DENND2A: variants seen among roughly 807,000 people sequenced by gnomAD.
DENND2A encodes the protein DENN domain containing 2A, also known as DENN domain-containing protein 2A.
DENND2A carries 53 observed loss-of-function variants against 105.3 expected under a neutral mutation model. That is an observed-to-expected ratio of 0.50 (90% CI 0.40 to 0.63). The LOEUF is 0.63. Ranked by LOEUF, DENND2A falls within the 30% of genes least tolerant of loss-of-function variation. The pLI is 0.00. For synonymous variants in DENND2A, 522 were observed against 508.4 expected (o/e 1.03, Z -0.36); for missense variants, 1,138 against 1,279.6 (o/e 0.89, Z 1.69).
chr7:140,560,320 C>T (rs564467437), intron 9 of DENND2A, among the ~76,000 whole-genome samples: 4 of 152,220 alleles, frequency 2.6e-5, no homozygotes, highest in South Asian at 2.1e-4. Context: ...TAGAAGGAAG[C>T]GTGACACCAT....
chr7:140,607,830 C>A (rs571992897), intron 1 of DENND2A, among the ~76,000 whole-genome samples: 1 of 152,288 alleles, frequency 6.6e-6, no homozygotes, highest in South Asian at 2.1e-4. Flanking sequence ...TCCATATGAG[C>A]CAGCAGCTCT....
At chr7:140,526,887 C>CT (rs1465098432) in intron 15 of DENND2A, among the ~76,000 whole-genome samples, 2 of 152,166 alleles carry the variant, frequency 1.3e-5, no homozygotes, top group African/African-American at 4.8e-5. Flanking sequence ...CCAAGCAGGA[C>CT]TTTCCCCGCT....
chr7:140,620,021 C>T (rs768669644), intron 1 of DENND2A, among the ~76,000 whole-genome samples: 7 of 151,034 alleles, frequency 4.6e-5, no homozygotes, highest in Non-Finnish European at 8.8e-5. Flanking sequence ...AGTGAAACCC[C>T]GTCTCTACTA....
chr7:140,519,826 G>A (rs1795788535), intron 18 of DENND2A, 108 bp from the exon 19 acceptor site: 3 of 972,074 alleles, frequency 3.1e-6, no homozygotes, highest in Non-Finnish European at 3.3e-6. Context: ...CTGAGACTAA[G>A]CTGCTCCTAT....
intron 4 of DENND2A, 129 bp from the exon 5 acceptor site, chr7:140,585,839 A>C (rs1041492596): frequency 7.6e-7 from 1 of 1,321,514 alleles, no homozygotes; most frequent in African/African-American, 1.5e-5. Flanking sequence ...TTTGCCATCC[A>C]TGCGCCCCTC....
chr7:140,583,635 A>C (rs574370829), intron 5 of DENND2A, among the ~76,000 whole-genome samples: 4 of 150,612 alleles, frequency 2.7e-5, no homozygotes, highest in African/African-American at 1.0e-4. Flanking sequence ...ACAATCATAT[A>C]AAAGTCAAAT....
Position 140,567,251 on chromosome 7 carries a change from G to T in DENND2A, c.1614C>A (p.Asn538Lys). 6.2e-7 allele frequency: 1 copy of T among 1,609,256 alleles called. No homozygotes were observed. The highest frequency in any genetic ancestry group is 1.7e-5 in the Admixed American group (1 of 59,672). Residue 538 changes from asparagine (N) to lysine (K), a missense_variant, in exon 9 of 20, where the codon AAC (asparagine) becomes AAA (lysine). Asn to Lys is a moderately conservative substitution (Grantham distance 94). Coordinates refer to ENST00000496613, the MANE Select transcript of DENND2A (RefSeq NM_015689.5). ...GCGCCTGCTTCAGCCGGGACTTCAC[G>T]TTGACCAGGCGCTGGCTGTGAGCTG... ...KLKAHSQRLV[N>K]VKSRLKQAPR...
intron 17 of DENND2A, 125 bp from the exon 18 acceptor site, chr7:140,522,225 TCCAGGAGGAGGGTTAC>T (rs1232519715): frequency 7.9e-7 from 1 of 1,269,822 alleles, no homozygotes; most frequent in African/African-American, 1.5e-5. Flanking sequence ...ACTGCGATTA[TCCAGGAGGAGGGTTAC>T]CCAGGTTATT....
intron 6 of DENND2A, among the ~76,000 whole-genome samples, chr7:140,572,156 C>T (rs1278418168): frequency 6.6e-6 from 1 of 152,076 alleles, no homozygotes; most frequent in East Asian, 1.9e-4. Context: ...CAAGTGCACA[C>T]CACCATGCCT....
chr7:140,551,299 CAAAAAAAA>C (rs529992901), intron 12 of DENND2A, among the ~76,000 whole-genome samples: 4 of 71,742 alleles, frequency 5.6e-5, no homozygotes, highest in Admixed American at 1.7e-4. Flanking sequence ...GACTCCATCT[CAAAAAAAA>C]AAAAAAAAAA....
At position 140,527,046 on chromosome 7, in the gene DENND2A, G is replaced by A. The variant is rs1356802192; in HGVS notation, c.2505+272C>T. On this transcript the variant is annotated intron_variant, in intron 15 of 19. Coordinates refer to ENST00000496613, the MANE Select transcript of DENND2A (RefSeq NM_015689.5). The surrounding 1 kb of genome is among the most constrained non-coding windows in gnomAD (Gnocchi z 4.9). Reference sequence around the variant, plus strand: ...GGGCTATTAATGACTTAAGAGTTTTGACATCTGGCTAAATTGTTCATTGCT... The same window carrying A: ...GGGCTATTAATGACTTAAGAGTTTTAACATCTGGCTAAATTGTTCATTGCT... Among the ~76,000 whole-genome samples, 1 of 152,166 alleles carries A rather than the reference G, an allele frequency of 6.6e-6. No individual in the cohort carries two copies. Among genetic ancestry groups the A allele is most frequent in the Non-Finnish European group, 1.5e-5 (1 of 68,026 alleles).
At chr7:140,568,235 C>T (rs1474449165) in intron 8 of DENND2A, among the ~76,000 whole-genome samples, 2 of 152,116 alleles carry the variant, frequency 1.3e-5, no homozygotes, top group Non-Finnish European at 2.9e-5. Flanking sequence ...CCACCAAGCC[C>T]GGCCCCTGGA....
intron 9 of DENND2A, among the ~76,000 whole-genome samples, chr7:140,561,959 G>A (rs929051982): frequency 6.6e-6 from 1 of 151,080 alleles, no homozygotes; most frequent in Non-Finnish European, 1.5e-5. Flanking sequence ...CTGCAATCTC[G>A]GCTCACTGCA....
intron 1 of DENND2A, among the ~76,000 whole-genome samples, chr7:140,617,673 C>G (rs1197857661): frequency 3.3e-5 from 5 of 152,238 alleles, no homozygotes; most frequent in Middle Eastern, 3.4e-3. Context: ...AAGATCGCAC[C>G]ACTGCACTCC....
chr7:140,527,908 T>A lies in DENND2A; in HGVS notation c.2328-413A>T, dbSNP rs1796123890. On this transcript the variant is annotated intron_variant, in intron 14 of 19. Coordinates refer to ENST00000496613, the MANE Select transcript of DENND2A (RefSeq NM_015689.5). This position sits in a 1 kb window ranked among gnomAD's most constrained non-coding sequence, Gnocchi z 4.9. ...GGGGTGCAGTGGCGTGATTTGGGCT[T>A]ACTGCAACCTCTGCCTCCCAGGTTC... Among the ~76,000 whole-genome samples the A allele has an allele frequency of 6.6e-6, 1 of 152,076 alleles. No individual in the cohort carries two copies. The highest frequency in any genetic ancestry group is 2.4e-5 in the African/African-American group (1 of 41,414).
chr7:140,559,259 T>G lies in DENND2A; in HGVS notation c.1889+449A>C, dbSNP rs1797515658. Among the ~76,000 whole-genome samples, 1 of 152,144 alleles carries G rather than the reference T, an allele frequency of 6.6e-6. No individual in the cohort carries two copies. Among genetic ancestry groups the G allele is most frequent in the Non-Finnish European group, 1.5e-5 (1 of 68,020 alleles). On this transcript the variant is annotated intron_variant, in intron 10 of 19. Coordinates refer to ENST00000496613, the MANE Select transcript of DENND2A (RefSeq NM_015689.5). The surrounding 1 kb of genome is among the most constrained non-coding windows in gnomAD (Gnocchi z 4.1). ...CCACCCTCAAGGAACGCGGTACCCC[T>G]TAAAGACAGGACCCGCAGCCTACTG...
At chr7:140,627,752 C>T (rs1366477104) in intron 1 of DENND2A, among the ~76,000 whole-genome samples, 1 of 151,876 alleles carries the variant, frequency 6.6e-6, no homozygotes, top group Non-Finnish European at 1.5e-5. Flanking sequence ...GTCTCTAACT[C>T]CTGGGCTCAT....
rs371557509 is a variant in DENND2A at position 140,602,434 on chromosome 7, G to C, written c.-37C>G. 4.8e-5 allele frequency: 72 copies of C among 1,513,208 alleles called. No homozygotes were observed. Among genetic ancestry groups the C allele is most frequent in the Non-Finnish European group, 6.0e-5 (68 of 1,136,650 alleles). The allele number at this position is 1,513,208 out of a possible 1,614,324, so 93.7% of individuals were successfully genotyped here. A position where few individuals can be genotyped will look rare whatever the true frequency, so the allele number is the denominator to read the frequency against. On this transcript the variant is annotated 5_prime_UTR_variant, in exon 3 of 20. Transcript: ENST00000496613. ...GCGTGAGGTTGTGGAGGCCTTCCAG[G>C]GGACTCCTTCTGAAGCCTGACTCCT...
chr7:140,618,812 TTC>T lies in DENND2A; in HGVS notation c.-247-13008_-247-13007del, dbSNP rs1491299323. 5.3e-5 allele frequency among the ~76,000 whole-genome samples: 8 copies of T among 152,292 alleles called. No homozygotes were observed. In the East Asian group the frequency reaches 9.6e-4, roughly 18 times the overall value. ...ATGATTATATATTTCCTTTTTTTTT[TTC>T]TTTTTCTGAGACGGAGTCTTGCTCT... is the stretch of plus-strand genomic sequence containing the variant. On this transcript the variant is annotated intron_variant, in intron 1 of 19. Transcript: ENST00000496613.
Sources: gnomAD v4.1 joint callset for allele counts (sites outside exome capture counted in the v4.1 genomes callset) on GRCh38, gnomAD v4.1.1 for gene constraint, Gnocchi (gnomAD v3.1) non-coding constraint, MANE v1.5 for transcripts, NCBI Gene and HGNC (gene_info 2026-07-23, HGNC 2026-07-21) for gene names.